Variants in DCAF1 observed in about 807,000 individuals in gnomAD.
The protein encoded by DCAF1 is DDB1 and CUL4 associated factor 1.
DCAF1 carries 15 observed loss-of-function variants against 128.0 expected under a neutral mutation model. The observed-to-expected ratio is 0.12, with a 90% confidence interval of 0.08 to 0.18. DCAF1 has a LOEUF of 0.18. DCAF1 is among the 10% of genes least tolerant of loss of function. The pLI is 1.00. For missense variants in DCAF1, 988 were observed against 1,649.5 expected (o/e 0.60, Z 6.95); for synonymous variants, 610 against 603.0 (o/e 1.01, Z -0.17).
At chr3:51,492,804 C>T (rs543231816) in intron 2 of DCAF1, among the ~76,000 whole-genome samples, 41 of 151,664 alleles carry the variant, frequency 2.7e-4, no homozygotes, top group African/African-American at 8.7e-4. Context: ...ACCATCCTGG[C>T]TAACATGGTG....
chr3:51,420,673 G>C lies in DCAF1; in HGVS notation c.2297C>G (p.Ser766Cys), dbSNP rs782541850. The change falls in exon 15 of 25, where the codon TCT (serine) becomes TGT (cysteine). Residue 766 changes from serine to cysteine, a missense_variant. Transcript: ENST00000684031. This position sits in a 1 kb window ranked among gnomAD's most constrained non-coding sequence, Gnocchi z 6.5. ...GATCTGCCGGACAGTGCTACTGCGA[G>C]ACAGGCCCACTAGGGCTTTGCAGGC... ...ALACKALVGL[S>C]RSSTVRQIIS... 15 of 1,613,944 alleles carry C rather than the reference G, an allele frequency of 9.3e-6. No homozygotes were observed. Among genetic ancestry groups the C allele is most frequent in the Non-Finnish European group, 1.1e-5 (13 of 1,179,918 alleles).
intron 17 of DCAF1, 37 bp from the exon 18 acceptor site, chr3:51,416,908 C>A: frequency 6.3e-7 from 1 of 1,578,204 alleles, no homozygotes. Context: ...AGTGACAGAT[C>A]TTCAGGACAT....
rs1314647313 is a variant in DCAF1, at chr3:51,441,012, C to T, written c.1086G>A (p.Leu362=). 3.1e-6 allele frequency: 5 copies of T among 1,613,014 alleles called. No individual in the cohort carries two copies. Among genetic ancestry groups the T allele is most frequent in the Middle Eastern group, 3.3e-4 (2 of 6,084 alleles). Residue 362 remains leucine, a synonymous_variant, in exon 9 of 25, where the codon CTG becomes CTA. Coordinates refer to ENST00000684031, the MANE Select transcript of DCAF1 (RefSeq NM_001387579.1). ...TAAGCAGGACATCATTAGTTTGCTT[C>T]AGGTCAATATAGAACATCATCAGCT... The part of the protein sequence containing the change: ...SRELMMFYID[L]KQTNDVLLTF...
At chr3:51,503,759 C>A (rs1708875864), upstream of DCAF1, among the ~76,000 whole-genome samples, 1 of 152,130 alleles carries the variant, frequency 6.6e-6, no homozygotes, top group African/African-American at 2.4e-5. Context: ...GAGGGAACGC[C>A]ACATCATTTC....
intron 2 of DCAF1, among the ~76,000 whole-genome samples, chr3:51,484,125 T>C (rs1001911372): frequency 2.0e-5 from 3 of 152,066 alleles, no homozygotes; most frequent in Non-Finnish European, 2.9e-5. Context: ...TCTTAACCTT[T>C]TGAGGAGTCC....
intron 3 of DCAF1, among the ~76,000 whole-genome samples, chr3:51,478,574 C>T (rs1553651548): frequency 6.6e-6 from 1 of 152,176 alleles, no homozygotes. Context: ...ATGTTAACAG[C>T]ACAATATTTA....
At chr3:51,495,756 T>C (rs1443003914) in intron 2 of DCAF1, among the ~76,000 whole-genome samples, 1 of 151,958 alleles carries the variant, frequency 6.6e-6, no homozygotes, top group East Asian at 1.9e-4. Context: ...TCAGTAGTAG[T>C]AGTACTTACT....
At chr3:51,404,815 A>C (rs1392049478) in intron 23 of DCAF1, among the ~76,000 whole-genome samples, 1 of 152,228 alleles carries the variant, frequency 6.6e-6, no homozygotes, top group Non-Finnish European at 1.5e-5. Flanking sequence ...CCTTGGCCAC[A>C]CATCCCCTCC....
In DCAF1 at chr3:51,398,824, T is replaced by C; in HGVS notation, c.4469A>G (p.Asp1490Gly). The C allele has an allele frequency of 1.3e-6, 2 of 1,584,286 alleles. No homozygotes were observed. The highest frequency in any genetic ancestry group is 1.7e-6 in the Non-Finnish European group (2 of 1,164,304). ...TTCCAAATCAGAGTTGTCAGAGCTG[T>C]CAGCTGAAAGGGAAGAAAAGGGAGA... The part of the protein sequence containing the change: ...EEVELILGDT[D>G]SSDNSDLEDD... The change falls in exon 25 of 25, where the codon GAC becomes GGC. Residue 1490 changes from aspartate (D) to glycine (G), a missense_variant. Physicochemically the swap from Asp to Gly is moderately conservative, Grantham distance 94 (BLOSUM62 -1). This residue lies in a region of DCAF1 where 97 missense variants were observed against 134.5 expected (regional missense o/e 0.72). Transcript: ENST00000684031.
chr3:51,413,916 A>C, intron 20 of DCAF1, 34 bp downstream of exon 20: 2 of 1,450,810 alleles, frequency 1.4e-6, no homozygotes, highest in Non-Finnish European at 1.8e-6. Context: ...GTAGAGCAAA[A>C]GGAAAGAGAA....
At chr3:51,406,292 G>C (rs556746353) in intron 23 of DCAF1, among the ~76,000 whole-genome samples, 1 of 129,482 alleles carries the variant, frequency 7.7e-6, no homozygotes, top group Admixed American at 9.0e-5. Context: ...GCAGTGAGCC[G>C]AGATCGCGCC....
intron 6 of DCAF1, among the ~76,000 whole-genome samples, chr3:51,453,910 G>A (rs1257887288): frequency 1.3e-5 from 2 of 150,044 alleles, no homozygotes; most frequent in African/African-American, 2.5e-5. Flanking sequence ...CCGAGATCGC[G>A]CCACTGCCTC....
At chr3:51,495,710 T>C (rs1708160727) in intron 2 of DCAF1, among the ~76,000 whole-genome samples, 1 of 152,056 alleles carries the variant, frequency 6.6e-6, no homozygotes, top group South Asian at 2.1e-4. Flanking sequence ...CTGGACAACA[T>C]GGTGAAATCC....
At chr3:51,500,620 C>T (rs1708754062), upstream of DCAF1, among the ~76,000 whole-genome samples, 1 of 151,750 alleles carries the variant, frequency 6.6e-6, no homozygotes, top group Non-Finnish European at 1.5e-5. Flanking sequence ...CTCACTATGA[C>T]CTCCGCCTCC....
At chr3:51,468,955 C>T (rs1400949017) in intron 4 of DCAF1, among the ~76,000 whole-genome samples, 21 of 152,124 alleles carry the variant, frequency 1.4e-4, no homozygotes, top group African/African-American at 5.1e-4. Flanking sequence ...TTCACATTCA[C>T]TTTCATACTT....
chr3:51,468,391 C>T (rs1021335900), intron 4 of DCAF1, among the ~76,000 whole-genome samples: 1 of 152,112 alleles, frequency 6.6e-6, no homozygotes. Flanking sequence ...AAGCTGGTCT[C>T]GAACTCCTGA....
intron 23 of DCAF1, among the ~76,000 whole-genome samples, chr3:51,408,050 G>T (rs1243548746): frequency 6.8e-6 from 1 of 147,430 alleles, no homozygotes; most frequent in East Asian, 2.0e-4. Context: ...AATGAGCTGT[G>T]ATAGGTGACT....
At chr3:51,434,468 C>T (rs1432783314) in intron 9 of DCAF1, among the ~76,000 whole-genome samples, 3 of 152,184 alleles carry the variant, frequency 2.0e-5, no homozygotes. Flanking sequence ...TGGTGAAAAA[C>T]TGCAGTTTTT....
intron 6 of DCAF1, among the ~76,000 whole-genome samples, chr3:51,455,034 T>C (rs903551346): frequency 3.9e-5 from 6 of 152,178 alleles, no homozygotes; most frequent in African/African-American, 1.2e-4. Flanking sequence ...AATTTAACAT[T>C]TGCTTGTCTT....
Sources: allele counts gnomAD v4.1 joint callset (sites outside exome capture counted in the v4.1 genomes callset), GRCh38; gene constraint gnomAD v4.1.1; regional missense constraint gnomAD v4.1.1; non-coding constraint Gnocchi (gnomAD v3.1); transcripts MANE v1.5; gene names NCBI Gene and HGNC (gene_info 2026-07-23, HGNC 2026-07-21).